Variants in KIFC3 observed in about 807,000 individuals in gnomAD.
KIFC3 encodes the protein kinesin family member C3.
In KIFC3, 60 loss-of-function variants were observed where a neutral mutation model predicts 101.8. The ratio of observed to expected loss-of-function variants is 0.59; its 90% CI spans 0.48 to 0.73. The LOEUF is 0.73. Ranked by LOEUF, KIFC3 falls within the 30% of genes least tolerant of loss-of-function variation. The pLI, the probability that KIFC3 is intolerant of heterozygous loss-of-function variation, is 0.00. For missense variants in KIFC3, 966 were observed against 1,137.1 expected (o/e 0.85, Z 2.16); for synonymous variants, 476 against 482.7 (o/e 0.99, Z 0.18).
intron 1 of KIFC3, among the ~76,000 whole-genome samples, chr16:57,841,109 G>C (rs2055800162): frequency 6.6e-6 from 1 of 152,232 alleles, no homozygotes; most frequent in Non-Finnish European, 1.5e-5. Flanking sequence ...AGCAGAGACG[G>C]AACAATAGAC....
chr16:57,816,238 G>C, intron 1 of KIFC3: 17 of 1,288,780 alleles, frequency 1.3e-5, no homozygotes, highest in Non-Finnish European at 1.7e-5. Flanking sequence ...ACCGAGGCCC[G>C]GAAAGTGTCA....
chr16:57,823,396 C>T (rs2055391592), intron 1 of KIFC3, among the ~76,000 whole-genome samples: 1 of 152,176 alleles, frequency 6.6e-6, no homozygotes, highest in Non-Finnish European at 1.5e-5. Context: ...TGTGCCCTGA[C>T]TACCTTGGGC....
In KIFC3 at chr16:57,773,638, G is replaced by A. The variant is rs373630527; in HGVS notation, c.316-1350C>T. Among the ~76,000 whole-genome samples, 6 of 152,134 alleles carry A rather than the reference G, an allele frequency of 3.9e-5. No homozygotes were observed. In the South Asian group the frequency reaches 6.2e-4, roughly 16 times the overall value. The stretch of plus-strand genomic sequence containing the variant: ...TCACTGTACCCCAGGGTGACAGAGC[G>A]AGGCTGTCTAAAAAAAATAAAATAA... On this transcript the variant is annotated intron_variant, in intron 3 of 19. Coordinates refer to ENST00000445690, the MANE Select transcript of KIFC3 (RefSeq NM_001130100.2).
At chr16:57,782,718 T>A (rs571120172) in intron 3 of KIFC3, among the ~76,000 whole-genome samples, 5 of 152,034 alleles carry the variant, frequency 3.3e-5, no homozygotes, top group Non-Finnish European at 7.4e-5. Flanking sequence ...CTGAGGCGGG[T>A]GGATCACCTG....
chr16:57,771,773 C>A, intron 4 of KIFC3, 87 bp from the exon 5 acceptor site: 1 of 1,472,582 alleles, frequency 6.8e-7, no homozygotes, highest in Non-Finnish European at 9.1e-7. Flanking sequence ...GGCACAAGGG[C>A]AGGGAAGAGA....
intron 1 of KIFC3, 26 bp from the exon 2 acceptor site, chr16:57,798,308 G>C (rs1286763556): frequency 2.0e-6 from 3 of 1,535,840 alleles, no homozygotes; most frequent in Non-Finnish European, 2.6e-6. Flanking sequence ...GGGGAGATAA[G>C]CTTGAAGACC....
chr16:57,778,765 T>G, intron 3 of KIFC3, among the ~76,000 whole-genome samples: 1 of 151,824 alleles, frequency 6.6e-6, no homozygotes, highest in East Asian at 1.9e-4. Context: ...AAAATGAAAA[T>G]AAGCAGGAGC....
chr16:57,805,665 C>T (rs556741594), upstream of KIFC3, among the ~76,000 whole-genome samples: 1 of 143,942 alleles, frequency 6.9e-6, no homozygotes, highest in East Asian at 2.0e-4. Context: ...CGGTGGTATG[C>T]CCATAGACTT....
At chr16:57,764,092 C>T in intron 12 of KIFC3, 51 bp downstream of exon 12, 1 of 1,311,182 alleles carries the variant, frequency 7.6e-7, no homozygotes, top group East Asian at 2.3e-5. Context: ...AGGGAGCCCG[C>T]ATTCCCTTCA....
Position 57,761,039 on chromosome 16 carries a change from C to CT in KIFC3, c.2002+2_2002+3insA, listed in dbSNP as rs1555596472. 6.2e-7 allele frequency: 1 copy of CT among 1,607,138 alleles called. No individual in the cohort carries two copies. Among genetic ancestry groups the CT allele is most frequent in the Admixed American group, 1.7e-5 (1 of 59,870 alleles). ...CTCAGGCCAGGCTGCCTGCCACTCT[C>CT]ACCCGTGGTGCGGAGGCCTGTGCTG... On this transcript the variant is annotated splice_region_variant and intron_variant, in intron 15 of 19. Transcript: ENST00000445690.
At chr16:57,808,054 G>A (rs1555627261), upstream of KIFC3, 1 of 150,270 alleles carries the variant, frequency 6.7e-6, no homozygotes, top group Non-Finnish European at 1.5e-5. Flanking sequence ...GACTGAACTC[G>A]ACAGTTCTCC....
intron 1 of KIFC3, among the ~76,000 whole-genome samples, chr16:57,847,554 G>C (rs1222622506): frequency 1.3e-5 from 2 of 152,100 alleles, no homozygotes; most frequent in Admixed American, 1.3e-4. Flanking sequence ...AAAAAGATTA[G>C]AGATTCCACA....
intron 1 of KIFC3, among the ~76,000 whole-genome samples, chr16:57,827,982 C>G (rs1198265721): frequency 2.0e-4 from 31 of 152,234 alleles, no homozygotes; most frequent in Non-Finnish European, 1.5e-5. Flanking sequence ...GTTGTACCCT[C>G]TTTTCAGGTG....
At chr16:57,774,453 T>G (rs1482634581) in intron 3 of KIFC3, among the ~76,000 whole-genome samples, 12 of 152,208 alleles carry the variant, frequency 7.9e-5, no homozygotes, top group African/African-American at 2.6e-4. Context: ...CCATTAAGTG[T>G]ACAGCACTAA....
At chr16:57,816,880 C>A in intron 1 of KIFC3, 1 of 392,816 alleles carries the variant, frequency 2.5e-6, no homozygotes, top group South Asian at 1.9e-5. Flanking sequence ...AAATCTGTGG[C>A]CATCACAACC....
chr16:57,814,776 C>G (rs1259566780), intron 1 of KIFC3, among the ~76,000 whole-genome samples: 2 of 152,134 alleles, frequency 1.3e-5, no homozygotes, highest in Non-Finnish European at 2.9e-5. Context: ...CAGGCATGCA[C>G]CAACACACCC....
chr16:57,798,866 T>A (rs1041845645), intron 1 of KIFC3, among the ~76,000 whole-genome samples: 4 of 152,204 alleles, frequency 2.6e-5, no homozygotes, highest in Non-Finnish European at 5.9e-5. Flanking sequence ...CTGCGCTCTG[T>A]GCCTAGCATG....
chr16:57,849,613 G>C (rs2056005704), intron 1 of KIFC3, among the ~76,000 whole-genome samples: 1 of 152,084 alleles, frequency 6.6e-6, no homozygotes, highest in South Asian at 2.1e-4. Flanking sequence ...TTAGAAAATA[G>C]TTAATGGGGC....
rs114394863 is a variant in KIFC3, at chr16:57,834,286, G to A, written c.108+28443C>T. Reference sequence around the variant, plus strand: ...TAATCTCCCAGTATTGTTTCTTAGTGGACCTCTCCTGGTCTTAACTATTCT... The same window carrying A: ...TAATCTCCCAGTATTGTTTCTTAGTAGACCTCTCCTGGTCTTAACTATTCT... On this transcript the variant is annotated intron_variant, in intron 1 of 2. Coordinates refer to the KIFC3 transcript ENST00000563028. Among the ~76,000 whole-genome samples the A allele has an allele frequency of 8.5e-3, 1,294 of 152,110 alleles. 21 individuals carry two copies. The highest frequency in any genetic ancestry group is 0.029 in the African/African-American group (1,198 of 41,498).
Sources: allele counts gnomAD v4.1 joint callset (sites outside exome capture counted in the v4.1 genomes callset), GRCh38; gene constraint gnomAD v4.1.1; transcripts MANE v1.5; gene names NCBI Gene and HGNC (gene_info 2026-07-23, HGNC 2026-07-21).